CIB4: variants seen among roughly 807,000 people sequenced by gnomAD.
CIB4 encodes the protein calcium and integrin binding family member 4.
Under a neutral mutation model 25.8 loss-of-function variants are expected in CIB4, and 25 were observed. The ratio of observed to expected loss-of-function variants is 0.97; its 90% CI spans 0.71 to 1.35. The LOEUF is 1.35. CIB4 is among the 40% of genes most tolerant of loss of function. The pLI is 0.00. For missense variants in CIB4, 235 were observed against 228.2 expected, an observed-to-expected ratio of 1.03 and a Z score of -0.19; for synonymous variants, 75 against 81.4, an observed-to-expected ratio of 0.92 and a Z score of 0.42.
At chr2:26,581,477 C>A (rs1668340236) in intron 6 of CIB4, 84 bp from the exon 7 acceptor site, 3 of 1,370,752 alleles carry the variant, frequency 2.2e-6, no homozygotes, top group Non-Finnish European at 2.1e-6. Flanking sequence ...GTCCTGGAGG[C>A]TCCCTCCCCG....
chr2:26,622,728 A>G (rs930516197), intron 3 of CIB4, among the ~76,000 whole-genome samples: 2 of 152,202 alleles, frequency 1.3e-5, no homozygotes, highest in African/African-American at 4.8e-5. Context: ...CACACCTGTA[A>G]TCCCAGCATT....
At chr2:26,582,784 C>A (rs1668371860) in intron 6 of CIB4, 41 bp downstream of exon 6, 1 of 1,308,892 alleles carries the variant, frequency 7.6e-7, no homozygotes, top group Admixed American at 1.7e-5. Flanking sequence ...CCTGCCCCCA[C>A]CACTCTCCTG....
At chr2:26,585,758 C>T (rs1266041001) in intron 4 of CIB4, among the ~76,000 whole-genome samples, 1 of 152,056 alleles carries the variant, frequency 6.6e-6, no homozygotes, top group African/African-American at 2.4e-5. Flanking sequence ...TATGTCTCCA[C>T]CCTGGGTTTC....
chr2:26,640,123 G>C (rs1046367192), intron 2 of CIB4, among the ~76,000 whole-genome samples: 5 of 152,216 alleles, frequency 3.3e-5, no homozygotes, highest in East Asian at 3.9e-4. Flanking sequence ...GAGGGAGGGA[G>C]GGAGGTGGAG....
intron 4 of CIB4, among the ~76,000 whole-genome samples, chr2:26,588,962 C>G (rs1416917396): frequency 6.6e-6 from 1 of 151,102 alleles, no homozygotes; most frequent in Non-Finnish European, 1.5e-5. Context: ...GCTGCTGCCG[C>G]TGCTGCCGCT....
Position 26,583,838 on chromosome 2 carries a change from A to G in CIB4, c.389T>C (p.Leu130Pro), listed in dbSNP as rs1008100373. ...GTCCTCAGACATGTCATCACTGTTC[A>G]GCAGTCGCAGGATGATCCTCTGCAG... ...EDLQRIILRLLNSDDMSEDLL... is the reference protein window; with the variant it reads ...EDLQRIILRLPNSDDMSEDLL... The change falls in exon 5 of 7, where the codon CTG becomes CCG. Residue 130 changes from leucine to proline, a missense_variant. Coordinates refer to ENST00000288861, the MANE Select transcript of CIB4 (RefSeq NM_001029881.3). The G allele has an allele frequency of 1.2e-6, 2 of 1,613,382 alleles. No individual in the cohort carries two copies. Among genetic ancestry groups the G allele is most frequent in the Non-Finnish European group, 1.7e-6 (2 of 1,179,778 alleles).
rs2148222321 is a variant in CIB4 at position 26,627,696 on chromosome 2, A to G, written c.186+1714T>C. Among the ~76,000 whole-genome samples, 1 of 152,092 alleles carries G rather than the reference A, an allele frequency of 6.6e-6. No individual in the cohort carries two copies. Among genetic ancestry groups the G allele is most frequent in the East Asian group, 1.9e-4 (1 of 5,168 alleles). On this transcript the variant is annotated intron_variant, in intron 3 of 6. Transcript: ENST00000288861. The surrounding 1 kb of genome is among the most constrained non-coding windows in gnomAD (Gnocchi z 4.0). The stretch of plus-strand genomic sequence containing the variant: ...CACAGTCACAGTCTCCGATTCACTC[A>G]CCTTTCTGAGGTTTCTATTTCTTTC...
chr2:26,586,669 G>A (rs1440837733), intron 4 of CIB4, among the ~76,000 whole-genome samples: 3 of 152,188 alleles, frequency 2.0e-5, no homozygotes, highest in Admixed American at 6.5e-5. Flanking sequence ...AAGTGATGGA[G>A]ACAGGATTAA....
At chr2:26,584,348 GT>G (rs1668410480) in intron 4 of CIB4, among the ~76,000 whole-genome samples, 1 of 152,058 alleles carries the variant, frequency 6.6e-6, no homozygotes, top group Non-Finnish European at 1.5e-5. Context: ...GTGTCTTTTG[GT>G]GGCTGGGAGC....
intron 4 of CIB4, among the ~76,000 whole-genome samples, chr2:26,593,700 G>A (rs189300490): frequency 1.8e-4 from 27 of 152,268 alleles, no homozygotes; most frequent in African/African-American, 6.3e-4. Flanking sequence ...TTTCTCCAAA[G>A]ATTGCTGAAT....
chr2:26,604,974 A>AT (rs565478588), intron 3 of CIB4, among the ~76,000 whole-genome samples: 1 of 152,270 alleles, frequency 6.6e-6, no homozygotes, highest in East Asian at 1.9e-4. Flanking sequence ...CAGAATATAC[A>AT]TTTTTTTCCA....
chr2:26,625,206 C>A (rs372991789), intron 3 of CIB4, among the ~76,000 whole-genome samples: 1 of 152,142 alleles, frequency 6.6e-6, no homozygotes, highest in African/African-American at 2.4e-5. Flanking sequence ...CTAGAACACC[C>A]GTCAGTGACA....
At chr2:26,635,861 A>G (rs80193596) in intron 2 of CIB4, among the ~76,000 whole-genome samples, 1,997 of 152,308 alleles carry the variant, frequency 0.013, 51 homozygotes, top group African/African-American at 0.045. Context: ...AGCAGCCTGT[A>G]TGTACTGGTC....
At chr2:26,602,431 G>A (rs887149555) in intron 3 of CIB4, among the ~76,000 whole-genome samples, 3 of 152,128 alleles carry the variant, frequency 2.0e-5, no homozygotes, top group African/African-American at 7.2e-5. Flanking sequence ...AGTATACAAA[G>A]AGTGAACAAA....
chr2:26,623,586 T>G (rs1351012039), intron 3 of CIB4: 2 of 471,298 alleles, frequency 4.2e-6, no homozygotes, highest in Non-Finnish European at 8.8e-6. Context: ...AGCTGAAACC[T>G]TAGGGGCCAT....
At chr2:26,639,583 T>C (rs1275927) in intron 2 of CIB4, among the ~76,000 whole-genome samples, 71,517 of 151,908 alleles carry the variant, frequency 0.47, 18,559 homozygotes, top group Admixed American at 0.6. Flanking sequence ...ATGTCATATT[T>C]TTCTATATTT....
intron 2 of CIB4, among the ~76,000 whole-genome samples, chr2:26,630,561 G>T (rs2148224394): frequency 6.6e-6 from 1 of 152,260 alleles, no homozygotes; most frequent in South Asian, 2.1e-4. Context: ...GTGGATGGCG[G>T]GTGGTGGGGT....
chr2:26,595,276 G>A lies in CIB4; in HGVS notation c.228C>T (p.His76=), dbSNP rs768815352. 2 of 1,614,162 alleles carry A rather than the reference G, an allele frequency of 1.2e-6. No individual in the cohort carries two copies. The highest frequency in any genetic ancestry group is 2.2e-5 in the South Asian group (2 of 91,076). ...FRDRICRVFS[H]KGMFSFEDVL... is the part of the protein sequence containing the mutation. ...CATCCTCAAAGGAGAACATGCCTTT[G>A]TGGGAGAACACTCTGCAGATACGGT... The change falls in exon 4 of 7, where the codon CAC becomes CAT. Residue 76 remains histidine, a synonymous_variant. Coordinates refer to ENST00000288861, the MANE Select transcript of CIB4 (RefSeq NM_001029881.3).
rs189173186 is a variant in CIB4, at chr2:26,581,332, G to C, written c.*31C>G. The C allele has an allele frequency of 6.2e-7, 1 of 1,603,700 alleles. No homozygotes were observed. The highest frequency in any genetic ancestry group is 8.5e-7 in the Non-Finnish European group (1 of 1,170,746). On this transcript the variant is annotated 3_prime_UTR_variant, in exon 7 of 7. Coordinates refer to ENST00000288861, the MANE Select transcript of CIB4 (RefSeq NM_001029881.3). ...GGGTTCGATTCCTGTGGTCTCCCTCGAGGCTGCCATGTCAGGTGTTTGCCG... is the reference window on the plus strand; with the variant it reads ...GGGTTCGATTCCTGTGGTCTCCCTCCAGGCTGCCATGTCAGGTGTTTGCCG...
Sources: allele counts gnomAD v4.1 joint callset (sites outside exome capture counted in the v4.1 genomes callset), GRCh38; gene constraint gnomAD v4.1.1; non-coding constraint Gnocchi (gnomAD v3.1); transcripts MANE v1.5; gene names NCBI Gene and HGNC (gene_info 2026-07-23, HGNC 2026-07-21).